Variants in AGBL4 observed in about 807,000 individuals in gnomAD.
AGBL4 encodes the protein cytosolic carboxypeptidase 6.
AGBL4 carries 58 observed loss-of-function variants against 66.4 expected under a neutral mutation model. That is an observed-to-expected ratio of 0.87 (90% confidence interval 0.71 to 1.09). AGBL4 has a LOEUF of 1.09. Among genes scored for constraint, AGBL4 ranks in the 50% least tolerant of loss-of-function variants. AGBL4 has a pLI of 0.00. For synonymous variants in AGBL4, 234 were observed against 222.9 expected (o/e 1.05, Z -0.44); for missense variants, 579 against 631.0 (o/e 0.92, Z 0.88).
Position 49,571,646 on chromosome 1 carries a change from T to A in AGBL4, c.282+125667A>T, listed in dbSNP as rs182615087. ...GGTGAAAGTGGACATCTTTCTCTTG[T>A]TCCAGTTCTTTAGGCATTACTTTAA... is the stretch of plus-strand genomic sequence containing the variant. On this transcript the variant is annotated intron_variant, in intron 3 of 13. Coordinates refer to ENST00000371839, the MANE Select transcript of AGBL4 (RefSeq NM_032785.4). Among the ~76,000 whole-genome samples the A allele has an allele frequency of 1.1e-4, 17 of 152,256 alleles. No individual in the cohort carries two copies. The East Asian group carries it at 3.3e-3, about 29-fold the overall frequency.
chr1:48,962,481 C>T (rs1361891533), intron 5 of AGBL4, among the ~76,000 whole-genome samples: 2 of 152,156 alleles, frequency 1.3e-5, no homozygotes, highest in African/African-American at 4.8e-5. Flanking sequence ...GGAATCAATA[C>T]CAAGTTAGCC....
chr1:48,934,266 C>T (rs1655273092), intron 5 of AGBL4, among the ~76,000 whole-genome samples: 1 of 152,058 alleles, frequency 6.6e-6, no homozygotes. Flanking sequence ...AGGGGTGTCA[C>T]TCATCAGGAT....
chr1:49,258,466 C>A (rs924892992), intron 3 of AGBL4, among the ~76,000 whole-genome samples: 2 of 152,082 alleles, frequency 1.3e-5, no homozygotes, highest in Admixed American at 6.5e-5. Flanking sequence ...CTTAAAGGAG[C>A]TGATGGAGCT....
At chr1:49,126,107 T>C (rs2148056037) in intron 4 of AGBL4, among the ~76,000 whole-genome samples, 1 of 152,238 alleles carries the variant, frequency 6.6e-6, no homozygotes, top group Admixed American at 6.5e-5. Flanking sequence ...CCATAGCACA[T>C]ACCCTTTGTT....
chr1:49,545,867 T>C (rs1392044323), intron 3 of AGBL4, among the ~76,000 whole-genome samples: 3 of 152,252 alleles, frequency 2.0e-5, no homozygotes, highest in Admixed American at 2.0e-4. Flanking sequence ...TTAGATTTTA[T>C]ACCCTGTGTT....
intron 3 of AGBL4, among the ~76,000 whole-genome samples, chr1:49,589,795 C>A (rs1192450632): frequency 6.6e-6 from 1 of 152,042 alleles, no homozygotes; most frequent in Non-Finnish European, 1.5e-5. Flanking sequence ...AGCTTGTTGA[C>A]AGACTCAAGA....
chr1:49,663,675 A>C (rs1646310984), intron 3 of AGBL4, among the ~76,000 whole-genome samples: 1 of 152,144 alleles, frequency 6.6e-6, no homozygotes. Context: ...ATAAATGAGA[A>C]GCCACTACAA....
At chr1:49,017,679 C>G (rs909043139) in intron 5 of AGBL4, among the ~76,000 whole-genome samples, 14 of 152,110 alleles carry the variant, frequency 9.2e-5, no homozygotes, top group African/African-American at 3.4e-4. Flanking sequence ...GTCTAGATTG[C>G]TCACAATAAC....
intron 6 of AGBL4, among the ~76,000 whole-genome samples, chr1:48,848,840 C>A (rs940522233): frequency 6.6e-6 from 1 of 152,160 alleles, no homozygotes; most frequent in Non-Finnish European, 1.5e-5. Flanking sequence ...GACCTGTGTG[C>A]GCACAGATCC....
At chr1:48,969,754 C>T (rs1286594773) in intron 5 of AGBL4, among the ~76,000 whole-genome samples, 1 of 152,090 alleles carries the variant, frequency 6.6e-6, no homozygotes, top group East Asian at 1.9e-4. Flanking sequence ...AAGCAGTCTC[C>T]TTCAGCATCT....
At chr1:49,288,108 G>T (rs1213313061) in intron 3 of AGBL4, among the ~76,000 whole-genome samples, 7 of 141,550 alleles carry the variant, frequency 4.9e-5, no homozygotes, top group Admixed American at 3.5e-4. Context: ...GTAAACTATC[G>T]CAAGAACAAA....
chr1:49,131,243 C>A (rs1645888910), intron 4 of AGBL4, among the ~76,000 whole-genome samples: 1 of 151,894 alleles, frequency 6.6e-6, no homozygotes, highest in South Asian at 2.1e-4. Flanking sequence ...GGTGTCAGAG[C>A]TGAAGTTGAC....
intron 3 of AGBL4, among the ~76,000 whole-genome samples, chr1:49,532,357 G>A (rs560735309): frequency 3.4e-4 from 52 of 152,188 alleles, no homozygotes; most frequent in Middle Eastern, 3.4e-3. Flanking sequence ...ATACAAAAGA[G>A]CTGAGATTCA....
At chr1:49,967,746 T>A (rs962377964) in intron 1 of AGBL4, among the ~76,000 whole-genome samples, 3 of 152,200 alleles carry the variant, frequency 2.0e-5, no homozygotes, top group Non-Finnish European at 4.4e-5. Flanking sequence ...CCTTAATATG[T>A]ATTTCATTTT....
intron 1 of AGBL4, among the ~76,000 whole-genome samples, chr1:50,019,470 C>CA (rs1376583287): frequency 1.3e-5 from 2 of 151,630 alleles, no homozygotes; most frequent in South Asian, 2.1e-4. Flanking sequence ...GGTACTAAAA[C>CA]AAAAAAGGCT....
At chr1:49,598,144 G>T (rs1192240773) in intron 3 of AGBL4, among the ~76,000 whole-genome samples, 1 of 152,152 alleles carries the variant, frequency 6.6e-6, no homozygotes, top group African/African-American at 2.4e-5. Context: ...TATATTTTCT[G>T]TGGGTTTGTC....
chr1:49,282,668 C>T (rs948473113), intron 3 of AGBL4, among the ~76,000 whole-genome samples: 11 of 152,284 alleles, frequency 7.2e-5, no homozygotes, highest in South Asian at 2.1e-4. Context: ...GTGCTCGCAC[C>T]GTGCGCGAGC....
intron 1 of AGBL4, among the ~76,000 whole-genome samples, chr1:49,985,679 A>G (rs1439235325): frequency 6.6e-6 from 1 of 152,152 alleles, no homozygotes; most frequent in East Asian, 1.9e-4. Context: ...GCTCTTCATA[A>G]AAAATTACTT....
At chr1:49,217,892 C>T (rs1016081191) in intron 4 of AGBL4, among the ~76,000 whole-genome samples, 1 of 152,064 alleles carries the variant, frequency 6.6e-6, no homozygotes, top group African/African-American at 2.4e-5. Context: ...ATCTTAAAGG[C>T]CCTCTAATCC....
Sources: allele counts gnomAD v4.1 joint callset (sites outside exome capture counted in the v4.1 genomes callset), GRCh38; gene constraint gnomAD v4.1.1; transcripts MANE v1.5; gene names NCBI Gene and HGNC (gene_info 2026-07-23, HGNC 2026-07-21).